The following LARGE1 variants were observed in gnomAD, a reference collection of about 807,000 sequenced individuals.
The protein encoded by LARGE1 is LARGE xylosyl- and glucuronyltransferase 1, also known as xylosyl- and glucuronyltransferase LARGE1.
A neutral mutation model predicts 87.6 loss-of-function variants in LARGE1; 43 were observed. The observed-to-expected ratio is 0.49, with a 90% CI of 0.38 to 0.63. The LOEUF (loss-of-function observed/expected upper bound fraction) is 0.63. Ranked by LOEUF, LARGE1 falls within the 30% of genes least tolerant of loss-of-function variation. LARGE1 has a pLI of 0.00. For synonymous variants in LARGE1, 434 were observed against 394.6 expected, an observed-to-expected ratio of 1.10 and a Z score of -1.18; for missense variants, 802 against 1,000.2, an observed-to-expected ratio of 0.80 and a Z score of 2.67.
chr22:33,141,808 G>A, the LARGE1 span, among the ~76,000 whole-genome samples: 2 of 152,128 alleles, frequency 1.3e-5, no homozygotes, highest in Non-Finnish European at 2.9e-5. Flanking sequence ...AGTTTTGTCT[G>A]CTAAATCTAA....
At chr22:33,305,583 T>G (rs1934767289) in intron 11 of LARGE1, 2 of 985,340 alleles carry the variant, frequency 2.0e-6, no homozygotes, top group Middle Eastern at 5.2e-4. Context: ...CCCACTTTAT[T>G]CGGACGATTA....
At chr22:33,156,159 T>A in the LARGE1 span, among the ~76,000 whole-genome samples, 1 of 152,044 alleles carries the variant, frequency 6.6e-6, no homozygotes, top group Non-Finnish European at 1.5e-5. Flanking sequence ...GACATGAGGG[T>A]CAGAGTCCCC....
intron 11 of LARGE1, among the ~76,000 whole-genome samples, chr22:33,217,962 C>T (rs1004095601): frequency 4.0e-5 from 6 of 151,774 alleles, no homozygotes; most frequent in African/African-American, 1.5e-4. Flanking sequence ...TGGAGTCTCA[C>T]TCTGTCGCCC....
intron 2 of LARGE1, among the ~76,000 whole-genome samples, chr22:33,696,307 G>A (rs922497311): frequency 7.7e-5 from 11 of 142,360 alleles, no homozygotes; most frequent in African/African-American, 2.9e-4. Flanking sequence ...CTGTTGCCCA[G>A]GCTGGAGTGC....
chr22:33,431,329 T>C lies in LARGE1; in HGVS notation c.892+832A>G, dbSNP rs191824287. On this transcript the variant is annotated intron_variant, in intron 7 of 14. Coordinates refer to ENST00000397394, the MANE Select transcript of LARGE1 (RefSeq NM_133642.5). ...AGGGACAGCTGGTGAACAAGAAGGG[T>C]TGATGGATGAATGAAGGACACCAAT... 2.2e-3 allele frequency among the ~76,000 whole-genome samples: 338 copies of C among 151,868 alleles called. 2 individuals are homozygous for C. The highest frequency in any genetic ancestry group is 1.1e-3 in the Non-Finnish European group (73 of 67,930).
At chr22:33,233,280 G>C (rs960829265) in intron 11 of LARGE1, among the ~76,000 whole-genome samples, 5 of 149,412 alleles carry the variant, frequency 3.3e-5, no homozygotes, top group African/African-American at 1.3e-4. Flanking sequence ...GGTGGTGTTA[G>C]TGATGATGAT....
intron 5 of LARGE1, among the ~76,000 whole-genome samples, chr22:33,583,769 G>A (rs1440820725): frequency 6.6e-6 from 1 of 152,102 alleles, no homozygotes; most frequent in Admixed American, 6.5e-5. Flanking sequence ...CATCCCTTCA[G>A]TAATGCACTT....
chr22:33,895,353 T>C (rs1458275872), intron 1 of LARGE1, among the ~76,000 whole-genome samples: 2 of 152,178 alleles, frequency 1.3e-5, no homozygotes, highest in Non-Finnish European at 2.9e-5. Flanking sequence ...GGAGGCTACA[T>C]ATTAGTTATC....
intron 2 of LARGE1, among the ~76,000 whole-genome samples, chr22:33,756,190 A>T (rs2084507040): frequency 6.6e-6 from 1 of 152,172 alleles, no homozygotes; most frequent in Non-Finnish European, 1.5e-5. Context: ...CCAGGAGGCA[A>T]TGATGAGACC....
At chr22:33,577,522 C>A (rs918176857) in intron 5 of LARGE1, among the ~76,000 whole-genome samples, 17 of 152,228 alleles carry the variant, frequency 1.1e-4, no homozygotes, top group Non-Finnish European at 2.4e-4. Context: ...GGAGCAATTT[C>A]TCTCGCTCTC....
At chr22:33,386,366 T>C (rs2065322905) in intron 7 of LARGE1, among the ~76,000 whole-genome samples, 1 of 148,928 alleles carries the variant, frequency 6.7e-6, no homozygotes, top group East Asian at 1.9e-4. Context: ...CCCAGCAATG[T>C]CACTTTGGAG....
At chr22:33,416,807 T>C (rs952232113) in intron 7 of LARGE1, among the ~76,000 whole-genome samples, 1 of 152,098 alleles carries the variant, frequency 6.6e-6, no homozygotes, top group East Asian at 1.9e-4. Flanking sequence ...TTTCACTATG[T>C]TGGTCAGGCT....
intron 1 of LARGE1, 58 bp from the exon 2 acceptor site, chr22:33,761,616 T>C (rs534433189): frequency 5.6e-6 from 4 of 720,592 alleles, no homozygotes; most frequent in African/African-American, 3.5e-5. Flanking sequence ...TGGGTGTAAG[T>C]TATGGAAGAG....
rs56192894 is a variant in LARGE1 at position 33,728,576 on chromosome 22, A to AAAAAAAAAAAAAAC, written c.106+32794_106+32795insGTTTTTTTTTTTTT. On this transcript the variant is annotated intron_variant, in intron 2 of 14. Coordinates refer to ENST00000397394, the MANE Select transcript of LARGE1 (RefSeq NM_133642.5). ...CAAAAAAAAAAAAAAAAAAAAAAAA[A>AAAAAAAAAAAAAAC]AAACCAACAACAGAGACACATTTCC... Among the ~76,000 whole-genome samples, 3 of 103,764 alleles carry AAAAAAAAAAAAAAC rather than the reference A, an allele frequency of 2.9e-5. 1 individual carries two copies. The highest frequency in any genetic ancestry group is 2.4e-4 in the Admixed American group (2 of 8,366). 68.1% of individuals were successfully genotyped at this position (103,764 alleles called of 152,430 possible).
chr22:33,913,690 C>T (rs745826561), intron 1 of LARGE1, among the ~76,000 whole-genome samples: 49 of 152,080 alleles, frequency 3.2e-4, no homozygotes, highest in Non-Finnish European at 4.9e-4. Flanking sequence ...ACTACAGGCA[C>T]GCGCCACCAT....
In LARGE1 at chr22:33,284,274, C is replaced by CA. The variant is rs574157672; in HGVS notation, c.1731-927dup. Among the ~76,000 whole-genome samples, 517 of 152,322 alleles carry CA rather than the reference C, an allele frequency of 3.4e-3. 3 individuals carry two copies. Among genetic ancestry groups the CA allele is most frequent in the South Asian group, 0.013 (63 of 4,820 alleles). ...GACAGAGAGCCGATGAGAGAATCAC[C>CA]AAACTGGGCACTTTCAGGTTCCATT... On this transcript the variant is annotated intron_variant, in intron 12 of 14. Transcript: ENST00000397394.
At chr22:33,795,873 T>C (rs940745976) in intron 1 of LARGE1, among the ~76,000 whole-genome samples, 3 of 151,756 alleles carry the variant, frequency 2.0e-5, no homozygotes, top group Admixed American at 1.3e-4. Context: ...GTGGGAGAGA[T>C]AGCATTAGGA....
chr22:33,226,762 C>T (rs1047069539), intron 11 of LARGE1, among the ~76,000 whole-genome samples: 5 of 151,236 alleles, frequency 3.3e-5, no homozygotes, highest in Middle Eastern at 3.4e-3. Flanking sequence ...CGGAGTCCCG[C>T]TCTTTAGCCC....
chr22:33,490,519 A>G (rs947424866), intron 6 of LARGE1, among the ~76,000 whole-genome samples: 5 of 152,222 alleles, frequency 3.3e-5, no homozygotes, highest in African/African-American at 1.2e-4. Flanking sequence ...CTCTAAATAG[A>G]ATTATTTGTA....
Sources: allele counts gnomAD v4.1 joint callset (sites outside exome capture counted in the v4.1 genomes callset), GRCh38; gene constraint gnomAD v4.1.1; transcripts MANE v1.5; gene names NCBI Gene and HGNC (gene_info 2026-07-23, HGNC 2026-07-21).